The following ELP4 variants were observed in gnomAD, a reference collection of about 807,000 sequenced individuals.
ELP4 encodes the protein elongator complex protein 4.
Under a neutral mutation model 48.9 loss-of-function variants are expected in ELP4, and 51 were observed. The observed-to-expected ratio is 1.04, with a 90% CI of 0.83 to 1.32. The LOEUF (loss-of-function observed/expected upper bound fraction) is 1.32, where lower values mean the gene tolerates loss of function less well. ELP4 is among the 40% of genes most tolerant of loss of function. ELP4 has a pLI of 0.00. For missense variants in ELP4, 519 were observed against 514.6 expected, an observed-to-expected ratio of 1.01 and a Z score of -0.08; for synonymous variants, 210 against 189.2, an observed-to-expected ratio of 1.11 and a Z score of -0.90.
chr11:31,598,059 G>A (rs1241910855), intron 4 of ELP4, among the ~76,000 whole-genome samples: 4 of 148,530 alleles, frequency 2.7e-5, no homozygotes, highest in African/African-American at 9.9e-5. Context: ...GGGTTCAAGC[G>A]ATTCTCCTGC....
chr11:31,654,430 C>G (rs1341622036), intron 9 of ELP4: 2 of 151,766 alleles, frequency 1.3e-5, no homozygotes, highest in African/African-American at 4.8e-5. Flanking sequence ...CAGTACCTCT[C>G]CAGTCACCAA....
intron 5 of ELP4, among the ~76,000 whole-genome samples, chr11:31,617,501 G>T (rs1314981910): frequency 6.6e-6 from 1 of 151,876 alleles, no homozygotes. Context: ...AAGTTCTGGA[G>T]ATCTGTTTAA....
chr11:31,529,792 G>T (rs1425273063), intron 2 of ELP4, among the ~76,000 whole-genome samples: 1 of 152,176 alleles, frequency 6.6e-6, no homozygotes, highest in Non-Finnish European at 1.5e-5. Flanking sequence ...GGATGAATTA[G>T]TGGCCCCAAA....
intron 9 of ELP4, chr11:31,652,675 T>C (rs1446121631): frequency 6.6e-6 from 1 of 151,798 alleles, no homozygotes; most frequent in African/African-American, 2.4e-5. Flanking sequence ...GTCTACTGAA[T>C]CTGAGTCTTA....
chr11:31,546,758 A>C (rs555378338), intron 3 of ELP4, among the ~76,000 whole-genome samples: 80 of 152,214 alleles, frequency 5.3e-4, no homozygotes, highest in Middle Eastern at 3.4e-3. Flanking sequence ...CAGCAAATGT[A>C]AAAGAACAGA....
At chr11:31,555,704 A>T (rs767913614) in intron 3 of ELP4, among the ~76,000 whole-genome samples, 1 of 151,978 alleles carries the variant, frequency 6.6e-6, no homozygotes, top group Admixed American at 6.6e-5. Flanking sequence ...GATTTCTAAC[A>T]TCTCTCTGAG....
intron 9 of ELP4, among the ~76,000 whole-genome samples, chr11:31,733,190 A>T (rs1362724401): frequency 6.6e-6 from 1 of 152,194 alleles, no homozygotes; most frequent in Non-Finnish European, 1.5e-5. Context: ...ATTTAAGAAG[A>T]TTAAAATGGG....
intron 7 of ELP4, among the ~76,000 whole-genome samples, chr11:31,636,905 A>T (rs1326773801): frequency 1.3e-5 from 2 of 152,034 alleles, no homozygotes; most frequent in South Asian, 2.1e-4. Context: ...GTGTATATGC[A>T]TATAATCTTA....
chr11:31,682,661 T>C (rs1946078032), intron 9 of ELP4, among the ~76,000 whole-genome samples: 1 of 152,204 alleles, frequency 6.6e-6, no homozygotes, highest in South Asian at 2.1e-4. Flanking sequence ...CAAATATGTA[T>C]TAACACAACT....
chr11:31,581,223 T>C lies in ELP4; in HGVS notation c.382-13547T>C, dbSNP rs184193588. Among the ~76,000 whole-genome samples, 31 of 152,306 alleles carry C rather than the reference T, an allele frequency of 2.0e-4. No individual in the cohort carries two copies. In the East Asian group the frequency reaches 2.5e-3, roughly 12 times the overall value. The stretch of plus-strand genomic sequence containing the variant: ...CTACACAGCTGTTATTCTGGCACTT[T>C]CCTTTATCATTCTAGCAACTGCCTT... On this transcript the variant is annotated intron_variant, in intron 3 of 9. Coordinates refer to ENST00000640961, the MANE Select transcript of ELP4 (RefSeq NM_019040.5).
chr11:31,785,073 T>G lies in ELP4; in HGVS notation c.*1549T>G, dbSNP rs1948506944. The stretch of plus-strand genomic sequence containing the variant: ...TCAAAATAAAGTTTCAGAATTGATC[T>G]GTCAGTTAAAATTAAAGGGCTTTAT... On this transcript the variant is annotated 3_prime_UTR_variant, in exon 10 of 10. Coordinates refer to ENST00000640961, the MANE Select transcript of ELP4 (RefSeq NM_019040.5). 1 of 180,986 alleles carries G rather than the reference T, an allele frequency of 5.5e-6. No homozygotes were observed. Among genetic ancestry groups the G allele is most frequent in the Non-Finnish European group, 1.2e-5 (1 of 84,728 alleles). The allele number at this position is 180,986 out of a possible 1,614,324, so 11.2% of individuals were successfully genotyped here. A position where few individuals can be genotyped will look rare whatever the true frequency, so the allele number is the denominator to read the frequency against.
chr11:31,522,655 G>A (rs1956234596), intron 2 of ELP4, among the ~76,000 whole-genome samples: 1 of 152,084 alleles, frequency 6.6e-6, no homozygotes, highest in Non-Finnish European at 1.5e-5. Flanking sequence ...AGAATAAACT[G>A]TAAGATATAG....
chr11:31,572,514 A>G (rs926247259), intron 3 of ELP4, among the ~76,000 whole-genome samples: 1 of 151,504 alleles, frequency 6.6e-6, no homozygotes, highest in Non-Finnish European at 1.5e-5. Flanking sequence ...TTGGCCTTTC[A>G]TTTTCATTTG....
At chr11:31,723,737 G>T (rs193106113) in intron 9 of ELP4, among the ~76,000 whole-genome samples, 33 of 152,204 alleles carry the variant, frequency 2.2e-4, no homozygotes, top group African/African-American at 7.5e-4. Flanking sequence ...CTGACAGTCC[G>T]CCTCCAAAAG....
chr11:31,755,883 A>G (rs150927486), intron 9 of ELP4, among the ~76,000 whole-genome samples: 124 of 152,182 alleles, frequency 8.1e-4, no homozygotes, highest in African/African-American at 2.9e-3. Flanking sequence ...TTCACATCCA[A>G]TTTCTCACCA....
intron 5 of ELP4, among the ~76,000 whole-genome samples, chr11:31,607,850 G>A (rs905951838): frequency 3.3e-5 from 5 of 152,074 alleles, no homozygotes; most frequent in African/African-American, 4.8e-5. Flanking sequence ...AGAACCGCTC[G>A]GTCTTTTAGT....
At chr11:31,768,116 A>T (rs928776193) in intron 9 of ELP4, among the ~76,000 whole-genome samples, 2 of 152,178 alleles carry the variant, frequency 1.3e-5, no homozygotes, top group African/African-American at 4.8e-5. Context: ...GGGCTCTGAT[A>T]CTTAAGATTT....
At chr11:31,551,447 C>T (rs1956850101) in intron 3 of ELP4, among the ~76,000 whole-genome samples, 1 of 152,122 alleles carries the variant, frequency 6.6e-6, no homozygotes, top group Admixed American at 6.6e-5. Context: ...GATGGTTTTT[C>T]TTACTTCAAT....
At chr11:31,711,800 A>T (rs551382277) in intron 9 of ELP4, among the ~76,000 whole-genome samples, 44 of 152,160 alleles carry the variant, frequency 2.9e-4, no homozygotes, top group African/African-American at 3.9e-4. Context: ...CACTTTATTT[A>T]AAAAAATTAC....
Sources: allele counts gnomAD v4.1 joint callset (sites outside exome capture counted in the v4.1 genomes callset), GRCh38; gene constraint gnomAD v4.1.1; transcripts MANE v1.5; gene names NCBI Gene and HGNC (gene_info 2026-07-23, HGNC 2026-07-21).